ZNF695: variants seen among roughly 807,000 people sequenced by gnomAD.
The protein encoded by ZNF695 is zinc finger protein SBZF3.
Under a neutral mutation model 11.2 loss-of-function variants are expected in ZNF695, and 11 were observed. The observed-to-expected ratio is 0.98, with a 90% CI of 0.62 to 1.62. The LOEUF (loss-of-function observed/expected upper bound fraction) is 1.62, where lower values mean the gene tolerates loss of function less well. Ranked by LOEUF, ZNF695 falls within the 40% of genes most tolerant of loss-of-function variation. The pLI is 0.00. For missense variants in ZNF695, 559 were observed against 590.5 expected (o/e 0.95, Z 0.55); for synonymous variants, 190 against 201.4 (o/e 0.94, Z 0.48).
chr1:247,003,380 T>C (rs1426583017), intron 1 of ZNF695, among the ~76,000 whole-genome samples: 1 of 152,210 alleles, frequency 6.6e-6, no homozygotes, highest in Non-Finnish European at 1.5e-5. Context: ...TTCTCTCTTA[T>C]ATGTGGGAGC....
At chr1:246,978,996 G>C (rs977095550) in intron 4 of ZNF695, among the ~76,000 whole-genome samples, 1 of 152,188 alleles carries the variant, frequency 6.6e-6, no homozygotes, top group East Asian at 1.9e-4. Flanking sequence ...TGAGAAATGA[G>C]GTCATGTGTG....
At chr1:246,965,372 A>C (rs1313934388) in intron 5 of ZNF695, among the ~76,000 whole-genome samples, 1 of 151,124 alleles carries the variant, frequency 6.6e-6, no homozygotes, top group Non-Finnish European at 1.5e-5. Context: ...AAAAAAAAAA[A>C]AGAAGAGCAA....
chr1:246,945,724 G>A (rs1310243713), exon 6 of ZNF695: 18 of 1,502,410 alleles, frequency 1.2e-5, no homozygotes, highest in African/African-American at 8.3e-5. Context: ...AGCTGGACCC[G>A]GTGTAAATTC....
chr1:246,999,475 A>C lies in ZNF695; in HGVS notation c.167-35T>G, dbSNP rs1039456991. 2.6e-6 allele frequency: 4 copies of C among 1,548,190 alleles called. No homozygotes were observed. In the African/African-American group the frequency reaches 4.1e-5, roughly 16 times the overall value. Reference sequence around the variant, plus strand: ...TAGAAAAAAGGTGCATGATTCTTGCAGGGATTCTTTAATCACCTTTTACTA... The same window carrying C: ...TAGAAAAAAGGTGCATGATTCTTGCCGGGATTCTTTAATCACCTTTTACTA... On this transcript the variant is annotated intron_variant, in intron 2 of 3. Coordinates refer to ENST00000339986, the MANE Select transcript of ZNF695 (RefSeq NM_020394.5).
Position 247,005,563 on chromosome 1 carries a change from G to C in ZNF695, c.3+2343C>G, listed in dbSNP as rs377553645. 3.3e-4 allele frequency among the ~76,000 whole-genome samples: 50 copies of C among 151,926 alleles called. 1 individual carries two copies. In the South Asian group the frequency reaches 9.8e-3, roughly 30 times the overall value. Reference sequence around the variant, plus strand: ...ACCCTGTCTCTATTAAAATACAAAAGTTAGCTAGCTGTGGTGGCCTGCACC... The same window carrying C: ...ACCCTGTCTCTATTAAAATACAAAACTTAGCTAGCTGTGGTGGCCTGCACC... On this transcript the variant is annotated intron_variant, in intron 1 of 3. Transcript: ENST00000339986.
At chr1:246,997,506 A>G (rs76141117) in intron 3 of ZNF695, among the ~76,000 whole-genome samples, 1 of 145,998 alleles carries the variant, frequency 6.8e-6, no homozygotes, top group African/African-American at 2.5e-5. Context: ...CTGTCTCAAG[A>G]AAAAAAAAAA....
intron 5 of ZNF695, among the ~76,000 whole-genome samples, chr1:246,951,126 A>G (rs537178796): frequency 1.3e-5 from 2 of 152,060 alleles, no homozygotes; most frequent in Admixed American, 1.3e-4. Context: ...GCACCGAGAC[A>G]CCCTCAGTAT....
At chr1:246,966,919 A>G in intron 5 of ZNF695, 1 of 433,968 alleles carries the variant, frequency 2.3e-6, no homozygotes. Context: ...TAAATAAATC[A>G]TATTAAATGT....
chr1:246,953,969 G>A (rs2642994), intron 5 of ZNF695, among the ~76,000 whole-genome samples: 60,142 of 148,018 alleles, frequency 0.41, 12,339 homozygotes, highest in Admixed American at 0.46. Flanking sequence ...AAAGAAACCC[G>A]AAAAACAAAG....
intron 1 of ZNF695, among the ~76,000 whole-genome samples, chr1:247,000,658 A>G (rs576140034): frequency 1.4e-4 from 22 of 152,344 alleles, no homozygotes; most frequent in African/African-American, 5.3e-4. Flanking sequence ...CATCAACTCA[A>G]GCACTGGTAT....
At chr1:246,981,995 G>A (rs905009938), downstream of ZNF695, among the ~76,000 whole-genome samples, 22 of 152,162 alleles carry the variant, frequency 1.4e-4, no homozygotes, top group African/African-American at 5.3e-4. Context: ...TTCAGGCCGG[G>A]GGCAGTGGCT....
rs762405375 is a variant in ZNF695 at position 246,999,963 on chromosome 1, T to G, written c.115A>C (p.Asn39His). ...YRDVMLENYR[N>H]LISLGEDSFN... ...CTATCCTCACCAAGGGAGATCAGGT[T>G]TCTGTAGTTCTCTAACATCACATCC... Residue 39 changes from asparagine (N) to histidine (H), a missense_variant, in exon 2 of 4, where the codon AAC becomes CAC. By Grantham distance (68) the Asn-to-His change is moderately conservative. Coordinates refer to ENST00000339986, the MANE Select transcript of ZNF695 (RefSeq NM_020394.5). 11 of 1,614,040 alleles carry G rather than the reference T, an allele frequency of 6.8e-6. No individual in the cohort carries two copies. The Admixed American group carries it at 1.8e-4, about 27-fold the overall frequency.
chr1:247,000,195 A>G (rs1336672967), intron 1 of ZNF695, 121 bp from the exon 2 acceptor site: 1 of 855,326 alleles, frequency 1.2e-6, no homozygotes, highest in African/African-American at 1.8e-5. Context: ...TTATCAAATA[A>G]GATAATTTTT....
chr1:246,999,782 A>G (rs1669309492), intron 2 of ZNF695, 130 bp downstream of exon 2: 1 of 890,686 alleles, frequency 1.1e-6, no homozygotes, highest in African/African-American at 1.7e-5. Flanking sequence ...AAGGCAAAAC[A>G]TCTTGAAAGT....
chr1:246,955,515 C>G (rs1327717221), intron 5 of ZNF695, among the ~76,000 whole-genome samples: 1 of 152,182 alleles, frequency 6.6e-6, no homozygotes, highest in African/African-American at 2.4e-5. Context: ...GCAGTGTTCT[C>G]ATATACTCTA....
chr1:246,987,004 G>C lies in ZNF695; in HGVS notation c.1511C>G (p.Ser504Cys). 1 of 1,603,592 alleles carries C rather than the reference G, an allele frequency of 6.2e-7. No individual in the cohort carries two copies. The highest frequency in any genetic ancestry group is 1.7e-5 in the Admixed American group (1 of 57,732). The change falls in exon 4 of 4, where the codon TCT becomes TGT. Residue 504 changes from serine (S) to cysteine (C), a missense_variant. By Grantham distance (112) the Ser-to-Cys change is moderately radical. Transcript: ENST00000339986. ...TTTCTCATGTACAGCAAGTTGTGCA[G>C]AGTGGTTAAAGGCTTTGCCACATTC... ...CEECGKAFNHSAQLAVHEKTH... is the reference protein window; with the variant it reads ...CEECGKAFNHCAQLAVHEKTH...
chr1:246,976,598 T>C (rs12140889), intron 4 of ZNF695, among the ~76,000 whole-genome samples: 26,111 of 151,166 alleles, frequency 0.17, 4,841 homozygotes, highest in African/African-American at 0.47. Context: ...ATCGAGACCA[T>C]CCTGGCTAAC....
intron 1 of ZNF695, among the ~76,000 whole-genome samples, chr1:247,006,739 C>T (rs2103036075): frequency 6.6e-6 from 1 of 152,346 alleles, no homozygotes; most frequent in African/African-American, 2.4e-5. Flanking sequence ...GGCCCTAAAA[C>T]AGTTAGGCTG....
rs1668861166 is a variant in ZNF695, at chr1:246,986,753, G to A, written c.*214C>T. 1.6e-6 allele frequency: 2 copies of A among 1,286,550 alleles called. No homozygotes were observed. Among genetic ancestry groups the A allele is most frequent in the Non-Finnish European group, 2.0e-6 (2 of 1,020,348 alleles). The allele number at this position is 1,286,550 out of a possible 1,614,324, so 79.7% of individuals were successfully genotyped here. On this transcript the variant is annotated 3_prime_UTR_variant, in exon 4 of 4. Coordinates refer to ENST00000339986, the MANE Select transcript of ZNF695 (RefSeq NM_020394.5). ...TCCAGTATAAATTCTTCTGTGTACA[G>A]TAAGAGCTGTGATATAAGTGGAGGT...
Sources: allele counts gnomAD v4.1 joint callset (sites outside exome capture counted in the v4.1 genomes callset), GRCh38; gene constraint gnomAD v4.1.1; transcripts MANE v1.5; gene names NCBI Gene and HGNC (gene_info 2026-07-23, HGNC 2026-07-21).